Variants in HPSE2 observed in about 807,000 individuals in gnomAD.
HPSE2 encodes the protein inactive heparanase-2.
A neutral mutation model predicts 60.5 loss-of-function variants in HPSE2; 38 were observed. The ratio of observed to expected loss-of-function variants is 0.63; its 90% CI spans 0.48 to 0.82. The LOEUF (loss-of-function observed/expected upper bound fraction) is 0.82, where lower values mean the gene tolerates loss of function less well. Ranked by LOEUF, HPSE2 falls within the 40% of genes least tolerant of loss-of-function variation. The probability of loss-of-function intolerance (pLI) is 0.00; values close to 1 mark genes in which losing one functional copy is unlikely to be tolerated. For missense variants in HPSE2, 713 were observed against 740.4 expected (o/e 0.96, Z 0.43); for synonymous variants, 295 against 293.2 (o/e 1.01, Z -0.06).
rs74587621 is a variant in HPSE2, at chr10:98,798,473, T to A, written c.611-54417A>T. ...TTATAGTGTGTAAACTATTCTTAAG[T>A]AGGAAGAAGAAATGATGAATCAATC... On this transcript the variant is annotated intron_variant, in intron 3 of 11. Transcript: ENST00000370552. Among the ~76,000 whole-genome samples, 1,269 of 152,200 alleles carry A rather than the reference T, an allele frequency of 8.3e-3. 21 individuals are homozygous for A. The highest frequency in any genetic ancestry group is 0.028 in the African/African-American group (1,175 of 41,520).
intron 9 of HPSE2, among the ~76,000 whole-genome samples, chr10:98,570,807 T>C (rs768048728): frequency 1.1e-5 from 1 of 93,892 alleles, no homozygotes; most frequent in Non-Finnish European, 2.3e-5. Context: ...ACCTCATGTC[T>C]TCTGGCTCTA....
the HPSE2 span, among the ~76,000 whole-genome samples, chr10:99,243,075 CG>C: frequency 6.6e-6 from 1 of 152,012 alleles, no homozygotes; most frequent in Non-Finnish European, 1.5e-5. Context: ...GAGTTAAGTC[CG>C]GGCACAGTGG....
chr10:99,236,571 A>T (rs750354910), upstream of HPSE2, among the ~76,000 whole-genome samples: 1 of 152,108 alleles, frequency 6.6e-6, no homozygotes, highest in Non-Finnish European at 1.5e-5. Context: ...CCCGAAGAGG[A>T]GCCCTGATCT....
chr10:99,120,245 C>T (rs1055174497), intron 3 of HPSE2, among the ~76,000 whole-genome samples: 2 of 151,656 alleles, frequency 1.3e-5, no homozygotes, highest in Non-Finnish European at 2.9e-5. Context: ...AACAAATTTA[C>T]GATTTAAAAA....
intron 9 of HPSE2, among the ~76,000 whole-genome samples, chr10:98,536,642 T>C (rs1290056498): frequency 1.3e-5 from 2 of 152,116 alleles, no homozygotes; most frequent in African/African-American, 4.8e-5. Flanking sequence ...AATCAACAGA[T>C]TCGTGCTGGA....
intron 6 of HPSE2, among the ~76,000 whole-genome samples, chr10:98,680,780 G>A (rs1947764983): frequency 6.6e-6 from 1 of 151,988 alleles, no homozygotes; most frequent in South Asian, 2.1e-4. Flanking sequence ...TTTTGAGACA[G>A]GATCTCACTC....
intron 6 of HPSE2, among the ~76,000 whole-genome samples, chr10:98,651,919 C>G (rs1653666537): frequency 2.0e-5 from 3 of 151,886 alleles, no homozygotes; most frequent in Admixed American, 6.6e-5. Context: ...TTACAGGCAC[C>G]TGCAACCATG....
At chr10:98,919,867 AT>A (rs1450905281) in intron 3 of HPSE2, among the ~76,000 whole-genome samples, 3 of 152,182 alleles carry the variant, frequency 2.0e-5, no homozygotes, top group African/African-American at 7.2e-5. Flanking sequence ...TAGGAAAAAA[AT>A]ATCACTGAAA....
chr10:98,996,410 C>T (rs899140427), intron 3 of HPSE2, among the ~76,000 whole-genome samples: 2 of 152,116 alleles, frequency 1.3e-5, no homozygotes, highest in Non-Finnish European at 2.9e-5. Flanking sequence ...AATGGTAGAA[C>T]CACTTTGGAA....
the HPSE2 span, among the ~76,000 whole-genome samples, chr10:99,305,973 GCGCGCGCACA>G: frequency 2.3e-5 from 1 of 44,054 alleles, no homozygotes; most frequent in Non-Finnish European, 5.0e-5. Flanking sequence ...GCGCGCGCGC[GCGCGCGCACA>G]CACACACACA....
chr10:99,093,119 T>C (rs1481127743), intron 3 of HPSE2, among the ~76,000 whole-genome samples: 1 of 152,036 alleles, frequency 6.6e-6, no homozygotes, highest in Non-Finnish European at 1.5e-5. Flanking sequence ...TCCCACCTAC[T>C]TGGGAGGCTG....
In HPSE2 at chr10:99,026,244, T is replaced by C. The variant is rs112219044; in HGVS notation, c.610+117994A>G. 2.8e-3 allele frequency among the ~76,000 whole-genome samples: 424 copies of C among 152,014 alleles called. 2 individuals carry two copies. Among genetic ancestry groups the C allele is most frequent in the African/African-American group, 9.9e-3 (409 of 41,502 alleles). On this transcript the variant is annotated intron_variant, in intron 3 of 11. Coordinates refer to ENST00000370552, the MANE Select transcript of HPSE2 (RefSeq NM_021828.5). Reference sequence around the variant, plus strand: ...GCCTACAAGAAACACACCTCACCTATGAACACACAAATTGACTAAAAATAA... The same window carrying C: ...GCCTACAAGAAACACACCTCACCTACGAACACACAAATTGACTAAAAATAA...
At chr10:98,601,635 C>T (rs1338137778) in intron 9 of HPSE2, among the ~76,000 whole-genome samples, 1 of 152,240 alleles carries the variant, frequency 6.6e-6, no homozygotes, top group African/African-American at 2.4e-5. Context: ...CACAGCATGA[C>T]TACCATATAA....
intron 3 of HPSE2, among the ~76,000 whole-genome samples, chr10:99,052,536 G>T (rs1371714698): frequency 6.6e-6 from 1 of 151,944 alleles, no homozygotes; most frequent in African/African-American, 2.4e-5. Context: ...TCCCAAATTT[G>T]ATTTAAAAAC....
At chr10:99,192,811 G>A (rs1195075244) in intron 2 of HPSE2, among the ~76,000 whole-genome samples, 2 of 152,048 alleles carry the variant, frequency 1.3e-5, no homozygotes, top group African/African-American at 4.8e-5. Context: ...AGACATGAAG[G>A]AGAAATAAAA....
chr10:99,019,224 ATG>A (rs1163086862), intron 3 of HPSE2, among the ~76,000 whole-genome samples: 1 of 152,160 alleles, frequency 6.6e-6, no homozygotes, highest in African/African-American at 2.4e-5. Context: ...TTTGGTTGCA[ATG>A]TGTTAGCTGC....
intron 3 of HPSE2, among the ~76,000 whole-genome samples, chr10:98,960,701 CTTTTTTTTTTT>C: frequency 1.7e-5 from 1 of 57,568 alleles, no homozygotes; most frequent in African/African-American, 8.4e-5. Flanking sequence ...ATGTACATTT[CTTTTTTTTTTT>C]TTTTTTTTGT....
At chr10:98,595,237 T>C (rs1945200363) in intron 9 of HPSE2, among the ~76,000 whole-genome samples, 1 of 145,560 alleles carries the variant, frequency 6.9e-6, no homozygotes, top group Admixed American at 7.2e-5. Context: ...TGGTGCAATC[T>C]CGGCTCACTG....
chr10:98,902,767 A>C (rs775265623), intron 3 of HPSE2, among the ~76,000 whole-genome samples: 1 of 152,184 alleles, frequency 6.6e-6, no homozygotes, highest in Non-Finnish European at 1.5e-5. Context: ...AATGATATGC[A>C]TGCTAAAATG....
Sources: allele counts gnomAD v4.1 joint callset (sites outside exome capture counted in the v4.1 genomes callset), GRCh38; gene constraint gnomAD v4.1.1; transcripts MANE v1.5; gene names NCBI Gene and HGNC (gene_info 2026-07-23, HGNC 2026-07-21).